Variants in RTEL1 observed in about 807,000 individuals in gnomAD.
RTEL1 encodes the protein regulator of telomere elongation helicase 1.
In RTEL1, 86 loss-of-function variants were observed where a neutral mutation model predicts 162.2. The observed-to-expected ratio is 0.53, with a 90% CI of 0.45 to 0.63. RTEL1 has a LOEUF of 0.63. RTEL1 is among the 30% of genes least tolerant of loss of function. The probability of loss-of-function intolerance (pLI) is 0.00; values close to 1 mark genes in which losing one functional copy is unlikely to be tolerated. For missense variants in RTEL1, 1,941 were observed against 1,750.2 expected, an observed-to-expected ratio of 1.11 and a Z score of -1.95; for synonymous variants, 958 against 717.9, an observed-to-expected ratio of 1.33 and a Z score of -5.35.
Position 63,687,962 on chromosome 20 carries a change from C to T in RTEL1, c.1507C>T (p.Pro503Ser), listed in dbSNP as rs1343120488. ...QIPFPVCLEN[P>S]HIIDKHQIWV... ...CCCTTTCCCAGTCTGCCTGGAGAACCCACACATCATCGACAAGCACCAGAT... is the reference window on the plus strand; with the variant it reads ...CCCTTTCCCAGTCTGCCTGGAGAACTCACACATCATCGACAAGCACCAGAT... Residue 503 changes from proline (P) to serine (S), a missense_variant, in exon 18 of 35, where the codon CCA becomes TCA. Transcript: ENST00000360203. 2 of 1,612,700 alleles carry T rather than the reference C, an allele frequency of 1.2e-6. No individual in the cohort carries two copies. The highest frequency in any genetic ancestry group is 1.7e-6 in the Non-Finnish European group (2 of 1,179,892).
intron 10 of RTEL1, among the ~76,000 whole-genome samples, chr20:63,677,164 T>C (rs73137724): frequency 0.14 from 21,728 of 152,136 alleles, 1,753 homozygotes; most frequent in South Asian, 0.3. Flanking sequence ...ATCAGCCAAG[T>C]CTCCAAGAAG....
intron 19 of RTEL1, 23 bp downstream of exon 19, chr20:63,688,202 C>A: frequency 6.2e-7 from 1 of 1,611,182 alleles, no homozygotes; most frequent in Non-Finnish European, 8.5e-7. Flanking sequence ...AATGCCCCAG[C>A]TGTGCCCATC....
chr20:63,673,734 C>T lies in RTEL1; in HGVS notation c.766-206C>T, dbSNP rs191053146. 3.1e-3 allele frequency among the ~76,000 whole-genome samples: 472 copies of T among 152,272 alleles called. 5 individuals carry two copies. Among genetic ancestry groups the T allele is most frequent in the Non-Finnish European group, 5.0e-3 (343 of 68,030 alleles). ...GATTACAGGTGTGAGCCACCGCGCC[C>T]GGCCTGAAACAATCGTTTCTAAATA... On this transcript the variant is annotated intron_variant, in intron 9 of 34. Coordinates refer to ENST00000360203, the MANE Select transcript of RTEL1 (RefSeq NM_001283009.2).
intron 6 of RTEL1, among the ~76,000 whole-genome samples, chr20:63,663,448 C>T (rs563218706): frequency 1.7e-4 from 26 of 152,286 alleles, no homozygotes; most frequent in African/African-American, 5.5e-4. Flanking sequence ...CTTCTGGAGA[C>T]GGGATGTGAG....
intron 8 of RTEL1, 101 bp from the exon 9 acceptor site, chr20:63,672,455 T>A: frequency 1.0e-6 from 1 of 958,366 alleles, no homozygotes; most frequent in Non-Finnish European, 1.6e-6. Context: ...CTGTTGCTCA[T>A]CTGCGCTTGT....
intron 16 of RTEL1, chr20:63,687,383 G>A (rs2090619974): frequency 2.0e-6 from 1 of 496,664 alleles, no homozygotes; most frequent in East Asian, 3.2e-5. Context: ...CCTCTCTGCA[G>A]GTGTCCCCAG....
In RTEL1 at chr20:63,688,821, C is replaced by CT. The variant is rs11481615; in HGVS notation, c.1800+217dup. 1.2e-3 allele frequency: 736 copies of CT among 632,984 alleles called. 6 individuals are homozygous for CT. Among genetic ancestry groups the CT allele is most frequent in the African/African-American group, 0.011 (611 of 54,610 alleles). The allele number at this position is 632,984 out of a possible 1,614,324, so 39.2% of individuals were successfully genotyped here. ...GGTGTGGTAACAGTGGCCCTCCTGT[C>CT]TGAGTAGCCCTAGTCGGCCACCCTG... On this transcript the variant is annotated intron_variant, in intron 21 of 34. Coordinates refer to ENST00000360203, the MANE Select transcript of RTEL1 (RefSeq NM_001283009.2).
chr20:63,695,086 C>T lies in RTEL1; in HGVS notation c.3364C>T (p.Pro1122Ser). 2 of 1,612,330 alleles carry T rather than the reference C, an allele frequency of 1.2e-6. No homozygotes were observed. Among genetic ancestry groups the T allele is most frequent in the East Asian group, 2.2e-5 (1 of 44,872 alleles). The change falls in exon 33 of 35, where the codon CCA (proline) becomes TCA (serine). Residue 1122 changes from proline to serine, a missense_variant. Pro to Ser is a moderately conservative substitution (Grantham distance 74, BLOSUM62 -1). Transcript: ENST00000360203. ...CGCAGGGTTCAGCATGTTTGTGCGTCCACACCACAAGCAGCGCTTCTCACA... is the reference window on the plus strand; with the variant it reads ...CGCAGGGTTCAGCATGTTTGTGCGTTCACACCACAAGCAGCGCTTCTCACA... ...LLHRFSMFVRPHHKQRFSQTC... is the reference protein window; with the variant it reads ...LLHRFSMFVRSHHKQRFSQTC...
At chr20:63,657,992 G>A (rs1179557211), upstream of RTEL1, 2 of 152,320 alleles carry the variant, frequency 1.3e-5, no homozygotes, top group Non-Finnish European at 2.9e-5. Context: ...CAGGAAAGCG[G>A]TCGGCTCACA....
intron 12 of RTEL1, among the ~76,000 whole-genome samples, chr20:63,679,611 G>A (rs530860492): frequency 1.2e-4 from 19 of 152,260 alleles, no homozygotes; most frequent in African/African-American, 1.7e-4. Flanking sequence ...CAATGCTGGC[G>A]TCCCCTGGAG....
intron 6 of RTEL1, chr20:63,665,136 G>A (rs1032748300): frequency 6.5e-6 from 1 of 154,120 alleles, no homozygotes; most frequent in Non-Finnish European, 1.4e-5. Context: ...ATGTGCACGT[G>A]TGCATATGTG....
rs200335181 is a variant in RTEL1 at position 63,693,126 on chromosome 20, C to T, written c.2852-17C>T. On this transcript the variant is annotated splice_polypyrimidine_tract_variant and intron_variant, in intron 29 of 34. Transcript: ENST00000360203. ...AGAAAAAGGGGCAGATGGGGACAGA[C>T]GCCCCTTCCTCTACAGGCTTCTACC... is the stretch of plus-strand genomic sequence containing the variant. 635 of 1,612,254 alleles carry T rather than the reference C, an allele frequency of 3.9e-4. No homozygotes were observed. The highest frequency in any genetic ancestry group is 1.8e-3 in the East Asian group (83 of 44,886).
chr20:63,688,744 T>A, intron 21 of RTEL1, 139 bp downstream of exon 21: 1 of 739,142 alleles, frequency 1.4e-6, no homozygotes, highest in East Asian at 2.7e-5. Flanking sequence ...CTGCGTTTCC[T>A]TCCTGGCCCT....
intron 30 of RTEL1, among the ~76,000 whole-genome samples, chr20:63,694,112 G>A (rs2090901415): frequency 6.6e-6 from 1 of 152,110 alleles, no homozygotes; most frequent in Admixed American, 6.5e-5. Context: ...TACTCACTGG[G>A]ATATCCTCAT....
At chr20:63,688,440 A>C in intron 20 of RTEL1, 54 bp downstream of exon 20, 1 of 1,606,772 alleles carries the variant, frequency 6.2e-7, no homozygotes, top group Non-Finnish European at 8.5e-7. Flanking sequence ...CTGGAGCATG[A>C]AGCAGGCAGT....
intron 7 of RTEL1, among the ~76,000 whole-genome samples, chr20:63,667,135 G>T (rs1226350440): frequency 2.0e-5 from 3 of 152,148 alleles, no homozygotes; most frequent in Non-Finnish European, 2.9e-5. Flanking sequence ...CACCGCGCCC[G>T]GCCCAGCTCT....
intron 30 of RTEL1, among the ~76,000 whole-genome samples, chr20:63,693,522 A>ACCACCACCACCTCCACCT: frequency 1.1e-4 from 1 of 8,808 alleles, no homozygotes; most frequent in South Asian, 2.9e-3. Flanking sequence ...CTCCACCACC[A>ACCACCACCACCTCCACCT]CCACCTCCAC....
intron 30 of RTEL1, among the ~76,000 whole-genome samples, chr20:63,693,858 C>T (rs949959315): frequency 4.7e-5 from 7 of 148,358 alleles, no homozygotes; most frequent in Non-Finnish European, 7.4e-5. Flanking sequence ...ACAGCCCTGT[C>T]CAACTGCCAC....
At chr20:63,691,600 G>A (rs776516982) in intron 27 of RTEL1, 142 bp from the exon 28 acceptor site, 75 of 669,664 alleles carry the variant, frequency 1.1e-4, no homozygotes, top group Non-Finnish European at 1.7e-4. Flanking sequence ...CACTGTCACC[G>A]GGGTGTGCTG....
Sources: allele counts gnomAD v4.1 joint callset (sites outside exome capture counted in the v4.1 genomes callset), GRCh38; gene constraint gnomAD v4.1.1; transcripts MANE v1.5; gene names NCBI Gene and HGNC (gene_info 2026-07-23, HGNC 2026-07-21).